DNAJB1: variants seen among roughly 807,000 people sequenced by gnomAD.
DNAJB1 encodes the protein dnaJ homolog subfamily B member 1.
In DNAJB1, 14 loss-of-function variants were observed where a neutral mutation model predicts 24.0. That is an observed-to-expected ratio of 0.58 (90% confidence interval 0.39 to 0.91). The LOEUF (loss-of-function observed/expected upper bound fraction) is 0.91. DNAJB1 is among the 40% of genes least tolerant of loss of function. DNAJB1 has a pLI of 0.00. For synonymous variants in DNAJB1, 262 were observed against 174.4 expected, an observed-to-expected ratio of 1.50 and a Z score of -3.96; for missense variants, 517 against 458.1, an observed-to-expected ratio of 1.13 and a Z score of -1.17.
At chr19:14,552,131 G>T (rs186289440), upstream of DNAJB1, among the ~76,000 whole-genome samples, 1 of 149,304 alleles carries the variant, frequency 6.7e-6, no homozygotes. Flanking sequence ...GAGCCACCGC[G>T]CCTGGCCTTT....
At chr19:14,517,561 C>A (rs947510324) in intron 1 of DNAJB1, 1 of 154,774 alleles carries the variant, frequency 6.5e-6, no homozygotes, top group Non-Finnish European at 1.4e-5. Flanking sequence ...CATCAACGGG[C>A]ACAGGAACAA....
chr19:14,516,024 G>A lies in DNAJB1; in HGVS notation c.939C>T (p.Asp313=), dbSNP rs2072251829. The A allele has an allele frequency of 1.2e-6, 2 of 1,612,688 alleles. No individual in the cohort carries two copies. The highest frequency in any genetic ancestry group is 1.7e-6 in the Non-Finnish European group (2 of 1,179,576). ...AGATCACTTCAAACTCAATAATGAG[G>A]TCCCCACGTTTCTCGGGTGTTTTGG... ...PLPKTPEKRG[D]LIIEFEVIFP... The change falls in exon 3 of 3, where the codon GAC becomes GAT. Residue 313 remains aspartate (D), a synonymous_variant. Coordinates refer to ENST00000254322, the MANE Select transcript of DNAJB1 (RefSeq NM_006145.3).
chr19:14,537,677 C>T (rs1229223743), intron 1 of DNAJB1, among the ~76,000 whole-genome samples: 3 of 151,748 alleles, frequency 2.0e-5, no homozygotes, highest in Non-Finnish European at 2.9e-5. Flanking sequence ...TGGGACATTT[C>T]CTGCGGCAGC....
At chr19:14,557,286 A>G (rs2073763859) in intron 1 of DNAJB1, among the ~76,000 whole-genome samples, 1 of 151,412 alleles carries the variant, frequency 6.6e-6, no homozygotes, top group South Asian at 2.1e-4. Flanking sequence ...GATTACAGGC[A>G]CACACCACCA....
chr19:14,534,370 C>T (rs1172554618), upstream of DNAJB1, among the ~76,000 whole-genome samples: 10 of 150,078 alleles, frequency 6.7e-5, no homozygotes, highest in African/African-American at 9.8e-5. Context: ...ATGATCCGCC[C>T]GCCTCGGCCT....
chr19:14,518,299 G>C lies in DNAJB1; in HGVS notation c.51C>G (p.Asp17Glu), dbSNP rs774213662. 2 of 1,608,250 alleles carry C rather than the reference G, an allele frequency of 1.2e-6. No homozygotes were observed. The highest frequency in any genetic ancestry group is 1.7e-6 in the Non-Finnish European group (2 of 1,178,862). The change falls in exon 1 of 3, where the codon GAC (aspartate) becomes GAG (glutamate). Residue 17 changes from aspartate (D) to glutamate (E), a missense_variant. Physicochemically the swap from Asp to Glu is conservative, Grantham distance 45. Coordinates refer to ENST00000254322, the MANE Select transcript of DNAJB1 (RefSeq NM_006145.3). ...GGCGGTAGGCCCGCTTGATCTCCTC[G>C]TCCGACGCGCCGCGGGCCAGGCCCA... ...QTLGLARGASDEEIKRAYRRQ... is the reference protein window; with the variant it reads ...QTLGLARGASEEEIKRAYRRQ...
chr19:14,544,073 TG>T (rs2073219541), intron 1 of DNAJB1, among the ~76,000 whole-genome samples: 1 of 151,658 alleles, frequency 6.6e-6, no homozygotes, highest in Non-Finnish European at 1.5e-5. Context: ...CAGCCAGGGG[TG>T]GGGGATCCAC....
intron 1 of DNAJB1, among the ~76,000 whole-genome samples, chr19:14,543,314 G>A (rs1446284935): frequency 2.1e-5 from 3 of 139,794 alleles, no homozygotes; most frequent in African/African-American, 7.9e-5. Context: ...GTGTGTGTGT[G>A]CAGATACTGG....
At chr19:14,557,714 A>G (rs1223423302) in intron 1 of DNAJB1, among the ~76,000 whole-genome samples, 2 of 150,502 alleles carry the variant, frequency 1.3e-5, no homozygotes, top group African/African-American at 4.9e-5. Context: ...GGCCTCCCAA[A>G]GTGCTAGGAT....
Position 14,549,683 on chromosome 19 carries a change from G to A in DNAJB1, c.-214+525C>T, listed in dbSNP as rs556110928. Among the ~76,000 whole-genome samples, 15 of 151,846 alleles carry A rather than the reference G, an allele frequency of 9.9e-5. No homozygotes were observed. In the East Asian group the frequency reaches 1.4e-3, roughly 14 times the overall value. On this transcript the variant is annotated intron_variant, in intron 1 of 3. Coordinates refer to the DNAJB1 transcript ENST00000676982. ...CTGTAGGCCAGGCGCAGTGGCTCAC[G>A]CCTGTAATCCCAGCACTTAGGGAGG... is the stretch of plus-strand genomic sequence containing the variant.
rs192317699 is a variant in DNAJB1 at position 14,556,616 on chromosome 19, G to A, written c.-2165-2298C>T. ...GCCATATCCCAGGAACTGGAACAGTGCCTGGGGTATGGGAAGGAGGGAGTC... is the reference window on the plus strand; with the variant it reads ...GCCATATCCCAGGAACTGGAACAGTACCTGGGGTATGGGAAGGAGGGAGTC... On this transcript the variant is annotated intron_variant, in intron 1 of 5. Coordinates refer to the DNAJB1 transcript ENST00000679223. Among the ~76,000 whole-genome samples the A allele has an allele frequency of 9.9e-5, 15 of 152,218 alleles. No individual in the cohort carries two copies. The East Asian group carries it at 2.9e-3, about 29-fold the overall frequency.
upstream of DNAJB1, chr19:14,529,797 G>A: frequency 3.8e-6 from 6 of 1,593,174 alleles, no homozygotes; most frequent in Non-Finnish European, 5.2e-6. Flanking sequence ...CCACTTTCTG[G>A]TCCTGTGCCC....
chr19:14,529,445 C>G, upstream of DNAJB1: 1 of 629,756 alleles, frequency 1.6e-6, no homozygotes, highest in Non-Finnish European at 2.9e-6. Context: ...TTCGATTGGT[C>G]TCGCAAGTTG....
At chr19:14,516,270 C>T in intron 2 of DNAJB1, 100 bp from the exon 3 acceptor site, 2 of 1,389,004 alleles carry the variant, frequency 1.4e-6, no homozygotes, top group Non-Finnish European at 2.0e-6. Context: ...CAGGCCTCTG[C>T]AGCTAAGACC....
intron 1 of DNAJB1, among the ~76,000 whole-genome samples, chr19:14,539,053 A>C (rs2073004350): frequency 6.8e-6 from 1 of 146,112 alleles, no homozygotes; most frequent in Non-Finnish European, 1.5e-5. Flanking sequence ...GGCTCACTGC[A>C]ATCTCCGCCT....
At chr19:14,529,537 C>T (rs769340365), upstream of DNAJB1, 84 of 1,031,508 alleles carry the variant, frequency 8.1e-5, no homozygotes, top group South Asian at 2.7e-4. Context: ...CGCCTCGTGC[C>T]CTGATTGGCC....
upstream of DNAJB1, among the ~76,000 whole-genome samples, chr19:14,521,363 G>A (rs1231856654): frequency 1.3e-5 from 2 of 151,940 alleles, no homozygotes; most frequent in Non-Finnish European, 2.9e-5. Context: ...GGAGGCTGAG[G>A]CATGAGACTC....
chr19:14,537,861 T>C (rs945885774), intron 1 of DNAJB1, among the ~76,000 whole-genome samples: 1 of 151,028 alleles, frequency 6.6e-6, no homozygotes, highest in South Asian at 2.1e-4. Flanking sequence ...TTCTCCTGCC[T>C]TAGTCTCCCG....
At chr19:14,539,471 C>T (rs1006464049) in intron 1 of DNAJB1, among the ~76,000 whole-genome samples, 6 of 152,114 alleles carry the variant, frequency 3.9e-5, no homozygotes, top group African/African-American at 1.4e-4. Flanking sequence ...CACCTAGGAG[C>T]ACACTGCTTC....
Sources: allele counts gnomAD v4.1 joint callset (sites outside exome capture counted in the v4.1 genomes callset), GRCh38; gene constraint gnomAD v4.1.1; transcripts MANE v1.5; gene names NCBI Gene and HGNC (gene_info 2026-07-23, HGNC 2026-07-21).